The following SNX29 variants were observed in gnomAD, a reference collection of about 807,000 sequenced individuals.
SNX29 encodes the protein sorting nexin 29.
A neutral mutation model predicts 102.1 loss-of-function variants in SNX29; 78 were observed. The ratio of observed to expected loss-of-function variants is 0.76; its 90% CI spans 0.64 to 0.92. The LOEUF (loss-of-function observed/expected upper bound fraction) is 0.92. Ranked by LOEUF, SNX29 falls within the 40% of genes least tolerant of loss-of-function variation. The probability of loss-of-function intolerance (pLI) is 0.00; values close to 1 mark genes in which losing one functional copy is unlikely to be tolerated. For synonymous variants in SNX29, 580 were observed against 414.5 expected, an observed-to-expected ratio of 1.40 and a Z score of -4.85; for missense variants, 1,280 against 1,061.7, an observed-to-expected ratio of 1.21 and a Z score of -2.86.
At chr16:12,427,184 A>G (rs1192637440) in intron 18 of SNX29, among the ~76,000 whole-genome samples, 1 of 152,104 alleles carries the variant, frequency 6.6e-6, no homozygotes, top group African/African-American at 2.4e-5. Context: ...AAATGACTCA[A>G]GGTGGTTTCT....
Position 12,362,553 on chromosome 16 carries a change from TCC to T in SNX29, c.1899+6281_1899+6282del, listed in dbSNP as rs1199911670. Among the ~76,000 whole-genome samples, 4 of 11,052 alleles carry T rather than the reference TCC, an allele frequency of 3.6e-4. 1 individual carries two copies. The highest frequency in any genetic ancestry group is 3.0e-3 in the South Asian group (1 of 336). 7.3% of individuals were successfully genotyped at this position (11,052 alleles called of 152,430 possible). The stretch of plus-strand genomic sequence containing the variant: ...TGCAGAAGGATTTTGGCTGCTGCAC[TCC>T]CCCCCCACCCCCCCCCCCACCAGTT... On this transcript the variant is annotated intron_variant, in intron 16 of 20. Transcript: ENST00000566228.
intron 14 of SNX29, among the ~76,000 whole-genome samples, chr16:12,245,846 G>C (rs942907417): frequency 7.2e-5 from 11 of 152,124 alleles, no homozygotes; most frequent in African/African-American, 2.4e-4. Flanking sequence ...TTCTGCTGCA[G>C]GAACTGGGTT....
intron 13 of SNX29, among the ~76,000 whole-genome samples, chr16:12,187,737 A>G (rs1465423612): frequency 9.7e-6 from 1 of 102,782 alleles, no homozygotes; most frequent in Non-Finnish European, 2.3e-5. Context: ...GTACCTCTTC[A>G]TGCAGTGGTA....
chr16:12,561,688 C>G (rs1159735646), intron 20 of SNX29, among the ~76,000 whole-genome samples: 1 of 152,198 alleles, frequency 6.6e-6, no homozygotes, highest in African/African-American at 2.4e-5. Context: ...CACAGACCCC[C>G]TTTTCCCCAA....
At chr16:12,063,897 G>A (rs1178666847) in intron 9 of SNX29, among the ~76,000 whole-genome samples, 7 of 151,976 alleles carry the variant, frequency 4.6e-5, no homozygotes, top group South Asian at 4.1e-4. Flanking sequence ...CAAAGGTTAC[G>A]GGGTTGGTGA....
chr16:12,277,009 A>G (rs2079272648), intron 14 of SNX29, among the ~76,000 whole-genome samples: 2 of 152,192 alleles, frequency 1.3e-5, no homozygotes, highest in Admixed American at 6.5e-5. Context: ...TCTGACCCCC[A>G]TTAGTGCTCC....
At chr16:12,346,002 C>A (rs949064784) in intron 15 of SNX29, among the ~76,000 whole-genome samples, 2 of 152,216 alleles carry the variant, frequency 1.3e-5, no homozygotes, top group Non-Finnish European at 2.9e-5. Flanking sequence ...TCCCACTCCC[C>A]CCTCCCCACC....
At chr16:12,007,146 A>G (rs2151039056) in intron 3 of SNX29, among the ~76,000 whole-genome samples, 1 of 152,282 alleles carries the variant, frequency 6.6e-6, no homozygotes, top group Non-Finnish European at 1.5e-5. Flanking sequence ...TTTGAAATGT[A>G]TTTGGGTAAA....
intron 16 of SNX29, among the ~76,000 whole-genome samples, chr16:12,363,357 T>C (rs554890564): frequency 1.3e-5 from 2 of 152,216 alleles, no homozygotes; most frequent in East Asian, 3.9e-4. Context: ...GCCACTTCCC[T>C]CTTCCTTTCC....
chr16:12,217,033 T>G (rs1352060141), intron 14 of SNX29, among the ~76,000 whole-genome samples: 1 of 152,096 alleles, frequency 6.6e-6, no homozygotes, highest in Admixed American at 6.5e-5. Context: ...CTGGGTTTCT[T>G]TTGTTTTTGT....
At chr16:12,161,876 A>C (rs936581182) in intron 13 of SNX29, among the ~76,000 whole-genome samples, 2 of 152,070 alleles carry the variant, frequency 1.3e-5, no homozygotes, top group African/African-American at 4.8e-5. Flanking sequence ...CGTTTCTTAC[A>C]CAGTCTGCAG....
chr16:12,206,642 C>G (rs1325595364), intron 14 of SNX29, among the ~76,000 whole-genome samples: 1 of 152,042 alleles, frequency 6.6e-6, no homozygotes, highest in Non-Finnish European at 1.5e-5. Context: ...TTTAGTCTTT[C>G]TAGCAGGCCC....
chr16:12,014,992 AG>A (rs570104798), intron 3 of SNX29, among the ~76,000 whole-genome samples: 107 of 150,978 alleles, frequency 7.1e-4, no homozygotes, highest in Non-Finnish European at 1.2e-3. Flanking sequence ...GGAGAGGGGG[AG>A]GGTCCCGTTT....
intron 18 of SNX29, among the ~76,000 whole-genome samples, chr16:12,472,529 CAAAAAAAAAAAAAACAAAAA>C (rs1488378675): frequency 1.8e-4 from 13 of 72,944 alleles, no homozygotes; most frequent in Non-Finnish European, 3.3e-4. Flanking sequence ...AAAAAAAAAC[CAAAAAAAAAAAAAACAAAAA>C]AAAAAAGAAA....
intron 16 of SNX29, among the ~76,000 whole-genome samples, chr16:12,365,015 C>A (rs2082420286): frequency 6.6e-6 from 1 of 152,096 alleles, no homozygotes; most frequent in Non-Finnish European, 1.5e-5. Flanking sequence ...TCTTATTAGG[C>A]CCATTTTTCA....
At chr16:12,194,986 GA>G (rs1408058401) in intron 13 of SNX29, among the ~76,000 whole-genome samples, 1 of 152,076 alleles carries the variant, frequency 6.6e-6, no homozygotes, top group African/African-American at 2.4e-5. Context: ...GTGCATTGTT[GA>G]AAAATTAAAG....
intron 20 of SNX29, among the ~76,000 whole-genome samples, chr16:12,537,076 T>G (rs2077109937): frequency 6.6e-6 from 1 of 152,200 alleles, no homozygotes; most frequent in Admixed American, 6.5e-5. Context: ...GATGTAGATT[T>G]ATCCATGTAT....
At chr16:12,125,276 C>CGTTAACCTGAACATGAT (rs2054156152) in intron 11 of SNX29, among the ~76,000 whole-genome samples, 1 of 152,102 alleles carries the variant, frequency 6.6e-6, no homozygotes, top group African/African-American at 2.4e-5. Flanking sequence ...TCTTCTCCAC[C>CGTTAACCTGAACATGAT]GTTAACCTGA....
At chr16:12,535,358 A>G (rs965694421) in intron 20 of SNX29, among the ~76,000 whole-genome samples, 7 of 152,022 alleles carry the variant, frequency 4.6e-5, no homozygotes, top group Admixed American at 4.6e-4. Context: ...CTGGTCTCGA[A>G]CTCCTGGCCT....
Sources: allele counts gnomAD v4.1 joint callset (sites outside exome capture counted in the v4.1 genomes callset), GRCh38; gene constraint gnomAD v4.1.1; transcripts MANE v1.5; gene names NCBI Gene and HGNC (gene_info 2026-07-23, HGNC 2026-07-21).